Variants in CNKSR2 observed in about 807,000 individuals in gnomAD.
CNKSR2 encodes the protein CNK homolog protein 2.
In CNKSR2, 14 loss-of-function variants were observed where a neutral mutation model predicts 84.4. The observed-to-expected ratio is 0.17, with a 90% confidence interval of 0.11 to 0.26. The LOEUF (loss-of-function observed/expected upper bound fraction) is 0.26, where lower values mean the gene tolerates loss of function less well. Among genes scored for constraint, CNKSR2 ranks in the 10% least tolerant of loss-of-function variants. CNKSR2 has a pLI of 1.00. For missense variants in CNKSR2, 485 were observed against 771.2 expected (o/e 0.63, Z 4.40); for synonymous variants, 275 against 277.9 (o/e 0.99, Z 0.10).
chrX:21,570,675 A>G (rs1018660525), intron 13 of CNKSR2, among the ~76,000 whole-genome samples: 2 of 112,206 alleles, frequency 1.8e-5, no homozygotes, highest in Admixed American at 1.9e-4. Flanking sequence ...TCACTTGAAC[A>G]CTTAGAGGCC....
At chrX:21,489,260 C>T (rs1018075016) in intron 5 of CNKSR2, among the ~76,000 whole-genome samples, 4 of 111,196 alleles carry the variant, frequency 3.6e-5, no homozygotes, top group South Asian at 3.8e-4. Flanking sequence ...GGCTGTGTCA[C>T]GGGCGTGTCC....
intron 1 of CNKSR2, among the ~76,000 whole-genome samples, chrX:21,382,804 C>A (rs1268756506): frequency 9.0e-6 from 1 of 111,190 alleles, no homozygotes; most frequent in Non-Finnish European, 1.9e-5. Context: ...TAATTTTTCA[C>A]CGTTCCCTCT....
intron 1 of CNKSR2, among the ~76,000 whole-genome samples, chrX:21,392,428 G>A (rs749270205): frequency 1.1e-4 from 12 of 112,036 alleles, no homozygotes; most frequent in East Asian, 2.8e-4. Flanking sequence ...GAGGCCTCGC[G>A]AAACTTTCAA....
At chrX:21,537,857 C>T (rs1272785353) in intron 11 of CNKSR2, 23 of 103,945 alleles carry the variant, frequency 2.2e-4, no homozygotes, top group Non-Finnish European at 4.1e-4. Context: ...AAACCATTTA[C>T]ATTCAGGGTT....
chrX:21,637,567 T>C (rs1002759246), intron 20 of CNKSR2, among the ~76,000 whole-genome samples: 7 of 111,454 alleles, frequency 6.3e-5, no homozygotes, highest in Non-Finnish European at 7.6e-5. Flanking sequence ...ATCTTTAATA[T>C]CCAGTCTTTT....
At position 21,648,861 on chromosome X, in the gene CNKSR2, C is replaced by T. The variant is rs1159715093; in HGVS notation, c.2723C>T (p.Ser908Leu). ...AGCAGAGAAGAAAAGTTAGGAGACT[C>T]ATTGCAAGATTTATACAGGGCACTG... Reference protein sequence around the residue: ...SESREEKLGDSLQDLYRALEQ... With the variant: ...SESREEKLGDLLQDLYRALEQ... The change falls in exon 21 of 22, where the codon TCA becomes TTA. Residue 908 changes from serine to leucine, a missense_variant. Ser to Leu is a moderately radical substitution (Grantham distance 145). Around this residue, in one of 5 missense-constraint regions of CNKSR2, gnomAD observed 210 missense variants for 291.5 expected, o/e 0.72. Transcript: ENST00000379510. The T allele has an allele frequency of 4.6e-5, 48 of 1,047,297 alleles. No homozygotes were observed. The highest frequency in any genetic ancestry group is 5.8e-5 in the Non-Finnish European group (46 of 799,016). 86.3% of individuals were successfully genotyped at this position (1,047,297 alleles called of 1,213,427 possible).
At chrX:21,413,527 C>T (rs930270265) in intron 1 of CNKSR2, among the ~76,000 whole-genome samples, 1 of 110,451 alleles carries the variant, frequency 9.1e-6, no homozygotes, top group Non-Finnish European at 1.9e-5. Context: ...CTGAGTGACT[C>T]TACTATTTGC....
At chrX:21,630,752 A>T (rs2092644354) in intron 20 of CNKSR2, among the ~76,000 whole-genome samples, 1 of 111,527 alleles carries the variant, frequency 9.0e-6, no homozygotes, top group Admixed American at 9.6e-5. Context: ...AGGAATTAAA[A>T]TTTTTAGGTT....
At chrX:21,445,757 T>C (rs1255619460) in intron 4 of CNKSR2, among the ~76,000 whole-genome samples, 1 of 112,187 alleles carries the variant, frequency 8.9e-6, no homozygotes, top group Non-Finnish European at 1.9e-5. Flanking sequence ...GACTCATCCA[T>C]GTTGCTGTGA....
chrX:21,652,179 TG>T, intron 21 of CNKSR2, 126 bp from the exon 22 acceptor site: 1 of 493,582 alleles, frequency 2.0e-6, no homozygotes, highest in Non-Finnish European at 3.4e-6. Flanking sequence ...TCTAAAGAGC[TG>T]GGTGGGTGTG....
chrX:21,429,015 T>A (rs903717324), intron 2 of CNKSR2: 12 of 112,343 alleles, frequency 1.1e-4, no homozygotes, highest in Admixed American at 4.7e-4. Context: ...TTGCCAATAT[T>A]AAGTATTTCT....
intron 20 of CNKSR2, among the ~76,000 whole-genome samples, 186 bp downstream of exon 20, chrX:21,609,803 G>A (rs1023648163): frequency 9.0e-6 from 1 of 111,579 alleles, no homozygotes; most frequent in African/African-American, 3.3e-5. Flanking sequence ...AACATGATGA[G>A]TAATGAAGCT....
chrX:21,555,158 A>C (rs898713392), intron 11 of CNKSR2, among the ~76,000 whole-genome samples: 1 of 110,936 alleles, frequency 9.0e-6, no homozygotes, highest in Admixed American at 9.6e-5. Context: ...TCTTTTGAAA[A>C]GTGTCTGTTC....
chrX:21,446,802 A>G (rs941883582), intron 4 of CNKSR2, among the ~76,000 whole-genome samples: 1 of 111,699 alleles, frequency 9.0e-6, no homozygotes, highest in African/African-American at 3.2e-5. Context: ...AGTAGATCCT[A>G]TTTCTCAGAC....
intron 1 of CNKSR2, among the ~76,000 whole-genome samples, chrX:21,391,114 C>T (rs903583268): frequency 4.4e-5 from 5 of 112,752 alleles, no homozygotes; most frequent in Non-Finnish European, 9.4e-5. Context: ...GGTACAACCC[C>T]CTTGGTGGCT....
At chrX:21,444,323 A>C (rs2090823453) in intron 4 of CNKSR2, among the ~76,000 whole-genome samples, 1 of 111,560 alleles carries the variant, frequency 9.0e-6, no homozygotes, top group South Asian at 3.7e-4. Flanking sequence ...ATGTATATGA[A>C]TAGTACTTCA....
chrX:21,400,696 A>ATATTTCCTT (rs2090179218), intron 1 of CNKSR2, among the ~76,000 whole-genome samples: 1 of 111,291 alleles, frequency 9.0e-6, no homozygotes, highest in African/African-American at 3.3e-5. Context: ...TTAAGATCAG[A>ATATTTCCTT]TATTTCCTTT....
At chrX:21,490,100 C>T (rs2091426447) in intron 5 of CNKSR2, among the ~76,000 whole-genome samples, 2 of 111,300 alleles carry the variant, frequency 1.8e-5, no homozygotes, top group African/African-American at 3.3e-5. Flanking sequence ...TAAAAGACTT[C>T]GAGATTTTTT....
chrX:21,432,587 A>T, intron 2 of CNKSR2, 25 bp from the exon 3 acceptor site: 1 of 1,018,556 alleles, frequency 9.8e-7, no homozygotes, highest in Non-Finnish European at 1.4e-6. Context: ...CTTTAAATAT[A>T]TTCTCTCTCT....
Sources: gnomAD v4.1 joint callset for allele counts (sites outside exome capture counted in the v4.1 genomes callset) on GRCh38, gnomAD v4.1.1 for gene constraint, gnomAD v4.1.1 regional missense constraint, MANE v1.5 for transcripts, NCBI Gene and HGNC (gene_info 2026-07-23, HGNC 2026-07-21) for gene names.